Variants in TMPRSS5 observed in about 807,000 individuals in gnomAD.
TMPRSS5 encodes transmembrane serine protease 5.
TMPRSS5 carries 45 observed loss-of-function variants against 59.7 expected under a neutral mutation model. The ratio of observed to expected loss-of-function variants is 0.75; its 90% CI spans 0.59 to 0.97. The LOEUF (loss-of-function observed/expected upper bound fraction) is 0.97, where lower values mean the gene tolerates loss of function less well. Ranked by LOEUF, TMPRSS5 falls within the 50% of genes least tolerant of loss-of-function variation. The probability of loss-of-function intolerance (pLI) is 0.00; values close to 1 mark genes in which losing one functional copy is unlikely to be tolerated. For missense variants in TMPRSS5, 585 were observed against 596.7 expected, an observed-to-expected ratio of 0.98 and a Z score of 0.20; for synonymous variants, 225 against 232.0, an observed-to-expected ratio of 0.97 and a Z score of 0.27.
chr11:113,698,368 A>G (rs1302410311), intron 4 of TMPRSS5, among the ~76,000 whole-genome samples: 1 of 152,228 alleles, frequency 6.6e-6, no homozygotes, highest in African/African-American at 2.4e-5. Flanking sequence ...AAGGAAACAG[A>G]AGCAACAAGA....
At position 113,697,399 on chromosome 11, in the gene TMPRSS5, G is replaced by A. The variant is rs776252643; in HGVS notation, c.348C>T (p.Ser116=). ...LPKTVSFRIN[S]EDFLLEAQVR... ...CTTGCGCTTCCAGCAAGAAGTCTTCGCTGTTTATTCTGAAAGATACTGAAA... is the reference window on the plus strand; with the variant it reads ...CTTGCGCTTCCAGCAAGAAGTCTTCACTGTTTATTCTGAAAGATACTGAAA... Residue 116 remains serine (S), a synonymous_variant, in exon 5 of 13, where the codon AGC becomes AGT. Transcript: ENST00000299882. 30 of 1,613,664 alleles carry A rather than the reference G, an allele frequency of 1.9e-5. No individual in the cohort carries two copies. Among genetic ancestry groups the A allele is most frequent in the East Asian group, 4.5e-5 (2 of 44,890 alleles).
intron 4 of TMPRSS5, 26 bp from the exon 5 acceptor site, chr11:113,697,444 T>A: frequency 6.2e-7 from 1 of 1,610,544 alleles, no homozygotes; most frequent in South Asian, 1.1e-5. Context: ...GAAAACCACA[T>A]GGGAGAGGAT....
chr11:113,701,951 C>G (rs181753769), intron 1 of TMPRSS5, among the ~76,000 whole-genome samples: 4 of 152,134 alleles, frequency 2.6e-5, no homozygotes, highest in African/African-American at 9.7e-5. Flanking sequence ...TCTCCCTCCC[C>G]TTGTCCCCCA....
At position 113,696,990 on chromosome 11, in the gene TMPRSS5, T is replaced by C. The variant is rs1313059915; in HGVS notation, c.465-19A>G. On this transcript the variant is annotated intron_variant, in intron 5 of 12. Transcript: ENST00000299882. ...AGTGAGTCTTGGCAGAAGAAGGGAATAGAACAGGAGGAAATCATAACTGGA... is the reference window on the plus strand; with the variant it reads ...AGTGAGTCTTGGCAGAAGAAGGGAACAGAACAGGAGGAAATCATAACTGGA... 6.5e-7 allele frequency: 1 copy of C among 1,527,584 alleles called. No individual in the cohort carries two copies. The highest frequency in any genetic ancestry group is 1.4e-5 in the African/African-American group (1 of 72,992). The allele number at this position is 1,527,584 out of a possible 1,614,324, so 94.6% of individuals were successfully genotyped here.
intron 2 of TMPRSS5, 140 bp from the exon 3 acceptor site, chr11:113,699,833 G>C (rs1330385942): frequency 2.2e-6 from 3 of 1,380,884 alleles, no homozygotes; most frequent in Non-Finnish European, 3.0e-6. Flanking sequence ...CCCAGATTAG[G>C]GAGGGAGTGG....
intron 9 of TMPRSS5, 71 bp downstream of exon 9, chr11:113,693,000 A>G (rs1471540557): frequency 2.3e-6 from 3 of 1,288,006 alleles, no homozygotes; most frequent in Non-Finnish European, 3.3e-6. Context: ...TCAGCTCACC[A>G]CTCTCCCACC....
intron 4 of TMPRSS5, among the ~76,000 whole-genome samples, chr11:113,697,861 A>C (rs1952973767): frequency 6.6e-6 from 1 of 152,188 alleles, no homozygotes; most frequent in South Asian, 2.1e-4. Context: ...TTTCCAGGCT[A>C]TTATGGACTG....
intron 11 of TMPRSS5, 37 bp from the exon 12 acceptor site, chr11:113,689,954 C>G: frequency 2.0e-6 from 3 of 1,507,388 alleles, no homozygotes; most frequent in Non-Finnish European, 2.7e-6. Context: ...GAGAAACAGC[C>G]AGTTAGTTCT....
At chr11:113,688,626 A>G (rs1299595813) in intron 12 of TMPRSS5, among the ~76,000 whole-genome samples, 1 of 152,148 alleles carries the variant, frequency 6.6e-6, no homozygotes, top group Non-Finnish European at 1.5e-5. Flanking sequence ...CCTGGAGTGC[A>G]GTGGCACGAT....
chr11:113,688,340 T>C, intron 12 of TMPRSS5, 66 bp from the exon 13 acceptor site: 2 of 1,143,956 alleles, frequency 1.7e-6, no homozygotes, highest in Non-Finnish European at 2.6e-6. Context: ...ACTTTTATTT[T>C]AGTAAATCAC....
chr11:113,703,557 A>G (rs1164085606), intron 1 of TMPRSS5, among the ~76,000 whole-genome samples: 1 of 152,194 alleles, frequency 6.6e-6, no homozygotes, highest in African/African-American at 2.4e-5. Flanking sequence ...GAGATTTGGA[A>G]GGGACCAGGA....
intron 1 of TMPRSS5, 97 bp downstream of exon 1, chr11:113,706,125 G>T: frequency 6.9e-7 from 1 of 1,444,072 alleles, no homozygotes; most frequent in Non-Finnish European, 9.5e-7. Context: ...GCCTCAGGAG[G>T]CTCTTTCCAC....
At chr11:113,697,494 T>C in intron 4 of TMPRSS5, 76 bp from the exon 5 acceptor site, 1 of 1,541,780 alleles carries the variant, frequency 6.5e-7, no homozygotes, top group Non-Finnish European at 8.8e-7. Context: ...GGACCCAGGA[T>C]TCTGTAGTAC....
In TMPRSS5 at chr11:113,688,026, C is replaced by T. The variant is rs1405911719; in HGVS notation, c.*234G>A. The T allele has an allele frequency of 1.5e-5, 8 of 525,260 alleles. No homozygotes were observed. Among genetic ancestry groups the T allele is most frequent in the East Asian group, 1.4e-4 (4 of 28,372 alleles). 32.5% of individuals were successfully genotyped at this position (525,260 alleles called of 1,614,324 possible). A position where few individuals can be genotyped will look rare whatever the true frequency, so the allele number is the denominator to read the frequency against. On this transcript the variant is annotated 3_prime_UTR_variant, in exon 13 of 13. Transcript: ENST00000299882. ...CATGCCCAACCAAGTCCCAGCCTCT[C>T]TTCTGTCATTGAGTCTCTAGTGAGA...
chr11:113,691,775 A>G (rs1013953886), intron 9 of TMPRSS5, among the ~76,000 whole-genome samples: 4 of 151,154 alleles, frequency 2.6e-5, no homozygotes, highest in African/African-American at 9.7e-5. Flanking sequence ...TAAAAGAGAA[A>G]TACTACTACA....
At chr11:113,705,864 C>G (rs927160439) in intron 1 of TMPRSS5, among the ~76,000 whole-genome samples, 8 of 152,138 alleles carry the variant, frequency 5.3e-5, no homozygotes, top group African/African-American at 1.9e-4. Context: ...ACTGCTCCAC[C>G]TCAAAATTCA....
At chr11:113,706,101 C>A in intron 1 of TMPRSS5, 121 bp downstream of exon 1, 1 of 1,217,114 alleles carries the variant, frequency 8.2e-7, no homozygotes, top group Non-Finnish European at 1.2e-6. Flanking sequence ...GGATCCAGCC[C>A]CTGTACCAGA....
Position 113,693,016 on chromosome 11 carries a change from C to A in TMPRSS5, c.964+55G>T, listed in dbSNP as rs45613933. On this transcript the variant is annotated intron_variant, in intron 9 of 12. Coordinates refer to ENST00000299882, the MANE Select transcript of TMPRSS5 (RefSeq NM_030770.4). ...CAGCTCACCACTCTCCCACCCAGCC[C>A]CCGCCCTCTCTCGCCATAGTCTCCA... 10 of 1,358,488 alleles carry A rather than the reference C, an allele frequency of 7.4e-6. No individual in the cohort carries two copies. In the African/African-American group the frequency reaches 1.0e-4, roughly 14 times the overall value. The allele number at this position is 1,358,488 out of a possible 1,614,324, so 84.2% of individuals were successfully genotyped here.
intron 1 of TMPRSS5, among the ~76,000 whole-genome samples, chr11:113,704,562 C>T (rs980183439): frequency 2.0e-5 from 3 of 152,162 alleles, no homozygotes; most frequent in African/African-American, 7.2e-5. Flanking sequence ...GCTCCCTCCA[C>T]AGCAAAATTT....
Sources: allele counts gnomAD v4.1 joint callset (sites outside exome capture counted in the v4.1 genomes callset), GRCh38; gene constraint gnomAD v4.1.1; transcripts MANE v1.5; gene names NCBI Gene and HGNC (gene_info 2026-07-23, HGNC 2026-07-21).